UNC5D: variants seen among roughly 807,000 people sequenced by gnomAD.
The protein encoded by UNC5D is unc-5 netrin receptor D, also known as netrin receptor UNC5D.
In UNC5D, 39 loss-of-function variants were observed where a neutral mutation model predicts 105.4. The observed-to-expected ratio is 0.37, with a 90% CI of 0.29 to 0.48. UNC5D has a LOEUF of 0.48. Ranked by LOEUF, UNC5D falls within the 20% of genes least tolerant of loss-of-function variation. The probability of loss-of-function intolerance (pLI) is 0.98; values close to 1 mark genes in which losing one functional copy is unlikely to be tolerated. For missense variants in UNC5D, 991 were observed against 1,202.4 expected (o/e 0.82, Z 2.60); for synonymous variants, 452 against 450.4 (o/e 1.00, Z -0.04).
chr8:35,670,961 TCTAA>T (rs1282729125), intron 4 of UNC5D, among the ~76,000 whole-genome samples: 1 of 145,228 alleles, frequency 6.9e-6, no homozygotes, highest in African/African-American at 2.4e-5. Flanking sequence ...GTTAACGATG[TCTAA>T]CTCACCAAGT....
chr8:35,335,164 C>A (rs770903899), intron 1 of UNC5D, among the ~76,000 whole-genome samples: 8 of 152,154 alleles, frequency 5.3e-5, no homozygotes, highest in Non-Finnish European at 1.0e-4. Context: ...ATGTATGCAA[C>A]AATGTTTATC....
chr8:35,622,781 T>A (rs1821438640), intron 4 of UNC5D, among the ~76,000 whole-genome samples: 1 of 152,134 alleles, frequency 6.6e-6, no homozygotes, highest in African/African-American at 2.4e-5. Flanking sequence ...TGAAGTGAGG[T>A]CATGTTGAAA....
intron 1 of UNC5D, among the ~76,000 whole-genome samples, chr8:35,539,800 C>T (rs1373285222): frequency 6.6e-6 from 1 of 152,202 alleles, no homozygotes; most frequent in Non-Finnish European, 1.5e-5. Flanking sequence ...TGACATCTAA[C>T]AGGAGTGTAT....
At chr8:35,705,756 A>C (rs1415438451) in intron 7 of UNC5D, among the ~76,000 whole-genome samples, 173 bp from the exon 8 acceptor site, 1 of 152,198 alleles carries the variant, frequency 6.6e-6, no homozygotes, top group African/African-American at 2.4e-5. Context: ...CAAAAGAGAA[A>C]ATTTTTTTAA....
At chr8:35,734,335 C>CAAAAAAAAAAAAAA (rs10657691) in intron 11 of UNC5D, among the ~76,000 whole-genome samples, 1 of 28,288 alleles carries the variant, frequency 3.5e-5, no homozygotes, top group African/African-American at 1.1e-4. Context: ...TAATCACTGT[C>CAAAAAAAAAAAAAA]AAAAAAAAAA....
At chr8:35,657,103 TA>T (rs1309443001) in intron 4 of UNC5D, among the ~76,000 whole-genome samples, 1 of 117,056 alleles carries the variant, frequency 8.5e-6, no homozygotes, top group East Asian at 2.3e-4. Context: ...TATATATATA[TA>T]TATATATATA....
chr8:35,459,635 A>G (rs772760579), intron 1 of UNC5D, among the ~76,000 whole-genome samples: 13 of 152,122 alleles, frequency 8.5e-5, no homozygotes, highest in Non-Finnish European at 1.3e-4. Context: ...TTCTTTATAA[A>G]CCTGTCACCA....
chr8:35,781,401 G>A (rs989729491), intron 16 of UNC5D, among the ~76,000 whole-genome samples: 2 of 152,184 alleles, frequency 1.3e-5, no homozygotes, highest in Non-Finnish European at 2.9e-5. Flanking sequence ...TCCAGGGGAT[G>A]CTGACAAGGG....
intron 1 of UNC5D, among the ~76,000 whole-genome samples, chr8:35,277,141 G>T (rs1398989686): frequency 6.6e-6 from 1 of 152,102 alleles, no homozygotes; most frequent in African/African-American, 2.4e-5. Context: ...CCCCGTAACC[G>T]GTTACAGAAA....
intron 1 of UNC5D, among the ~76,000 whole-genome samples, chr8:35,344,390 A>G (rs748072172): frequency 2.0e-5 from 3 of 151,954 alleles, no homozygotes; most frequent in African/African-American, 4.8e-5. Context: ...CCTCCTCTAT[A>G]TCTTTATTTC....
chr8:35,315,662 T>C (rs1453710082), intron 1 of UNC5D, among the ~76,000 whole-genome samples: 10 of 152,180 alleles, frequency 6.6e-5, no homozygotes, highest in Admixed American at 3.9e-4. Context: ...AGCGAAAGCA[T>C]GTGCGGCCAA....
chr8:35,335,925 G>A (rs969610981), intron 1 of UNC5D, among the ~76,000 whole-genome samples: 6 of 151,676 alleles, frequency 4.0e-5, no homozygotes, highest in Admixed American at 2.6e-4. Context: ...CACCACGCCC[G>A]GATAATTTTT....
At chr8:35,449,150 A>T (rs1396708108) in intron 1 of UNC5D, among the ~76,000 whole-genome samples, 1 of 152,176 alleles carries the variant, frequency 6.6e-6, no homozygotes, top group Non-Finnish European at 1.5e-5. Flanking sequence ...GTTGTGATAA[A>T]CATACAAGTA....
In UNC5D at chr8:35,288,818, C is replaced by T. The variant is rs577320032; in HGVS notation, c.103+52931C>T. Among the ~76,000 whole-genome samples, 40 of 152,168 alleles carry T rather than the reference C, an allele frequency of 2.6e-4. No homozygotes were observed. The Middle Eastern group carries it at 0.01, about 39-fold the overall frequency. On this transcript the variant is annotated intron_variant, in intron 1 of 16. Coordinates refer to ENST00000404895, the MANE Select transcript of UNC5D (RefSeq NM_080872.4). ...AGGATGAGATATTTTATGTAAGCCT[C>T]ATGACCACCACAAAAGTAGAAACCT... is the stretch of plus-strand genomic sequence containing the variant.
chr8:35,602,330 A>G (rs1488786659), intron 4 of UNC5D, among the ~76,000 whole-genome samples: 1 of 152,158 alleles, frequency 6.6e-6, no homozygotes, highest in Non-Finnish European at 1.5e-5. Flanking sequence ...GTTAGTGAGG[A>G]TTCCCTCTTT....
intron 15 of UNC5D, among the ~76,000 whole-genome samples, chr8:35,767,439 G>A (rs939835699): frequency 4.6e-5 from 7 of 152,120 alleles, no homozygotes; most frequent in Non-Finnish European, 5.9e-5. Context: ...CCACAAAGAG[G>A]CACAAAGCCA....
chr8:35,492,534 TCCTCTGAAAGAGGAAGTCTG>T (rs1811279600), intron 1 of UNC5D, among the ~76,000 whole-genome samples: 1 of 152,066 alleles, frequency 6.6e-6, no homozygotes. Context: ...TTTTTCCTCT[TCCTCTGAAAGAGGAAGTCTG>T]CTATTATTAA....
intron 4 of UNC5D, among the ~76,000 whole-genome samples, chr8:35,637,204 T>G (rs1041081427): frequency 6.6e-6 from 1 of 152,128 alleles, no homozygotes; most frequent in Non-Finnish European, 1.5e-5. Context: ...CTCTGAGAAA[T>G]TTACCTTTTT....
chr8:35,370,512 A>C (rs1332473038), intron 1 of UNC5D, among the ~76,000 whole-genome samples: 5 of 152,222 alleles, frequency 3.3e-5, no homozygotes, highest in Non-Finnish European at 5.9e-5. Context: ...TGTTGTTGAG[A>C]AAATGGTAAT....
Sources: allele counts gnomAD v4.1 joint callset (sites outside exome capture counted in the v4.1 genomes callset), GRCh38; gene constraint gnomAD v4.1.1; transcripts MANE v1.5; gene names NCBI Gene and HGNC (gene_info 2026-07-23, HGNC 2026-07-21).